The following DPF1 variants were observed in gnomAD, a reference collection of about 807,000 sequenced individuals.
DPF1 encodes the protein double PHD fingers 1.
Under a neutral mutation model 58.7 loss-of-function variants are expected in DPF1, and 14 were observed. The ratio of observed to expected loss-of-function variants is 0.24; its 90% CI spans 0.16 to 0.37. The LOEUF (loss-of-function observed/expected upper bound fraction) is 0.37, where lower values mean the gene tolerates loss of function less well. Ranked by LOEUF, DPF1 falls within the 10% of genes least tolerant of loss-of-function variation. DPF1 has a pLI of 1.00. For synonymous variants in DPF1, 216 were observed against 216.0 expected (o/e 1.00, Z 0.00); for missense variants, 345 against 529.9 (o/e 0.65, Z 3.43).
chr19:38,222,854 C>G lies in DPF1; in HGVS notation c.30-146G>C. ...CCTCACCTCTCCCCTCCTCCCACTC[C>G]GGGACCCAGGCTGGGGGAAGGGGAC... On this transcript the variant is annotated intron_variant, in intron 1 of 11. Transcript: ENST00000355526. This position sits in a 1 kb window ranked among gnomAD's most constrained non-coding sequence, Gnocchi z 4.9. 1 of 1,206,912 alleles carries G rather than the reference C, an allele frequency of 8.3e-7. No individual in the cohort carries two copies. Among genetic ancestry groups the G allele is most frequent in the Non-Finnish European group, 1.1e-6 (1 of 913,876 alleles). The allele number at this position is 1,206,912 out of a possible 1,614,324, so 74.8% of individuals were successfully genotyped here. A position where few individuals can be genotyped will look rare whatever the true frequency, so the allele number is the denominator to read the frequency against.
rs977696417 is a variant in DPF1 at position 38,222,946 on chromosome 19, GAAAC to G, written c.30-242_30-239del. ...AGCTCATGAGTAGAAACACGATACA[GAAAC>G]AAACAAAAACACACCGGGACGTATC... On this transcript the variant is annotated intron_variant, in intron 1 of 11. Coordinates refer to ENST00000355526, the MANE Select transcript of DPF1 (RefSeq NM_001135155.3). The surrounding 1 kb of genome is among the most constrained non-coding windows in gnomAD (Gnocchi z 4.9). 1 of 524,662 alleles carries G rather than the reference GAAAC, an allele frequency of 1.9e-6. No homozygotes were observed. Among genetic ancestry groups the G allele is most frequent in the Non-Finnish European group, 3.3e-6 (1 of 305,158 alleles). 32.5% of individuals were successfully genotyped at this position (524,662 alleles called of 1,614,324 possible). A position where few individuals can be genotyped will look rare whatever the true frequency, so the allele number is the denominator to read the frequency against.
At chr19:38,221,123 C>T (rs1017553514) in intron 3 of DPF1, among the ~76,000 whole-genome samples, 5 of 152,162 alleles carry the variant, frequency 3.3e-5, no homozygotes, top group African/African-American at 1.2e-4. Flanking sequence ...CCTTCTAAGA[C>T]ACTTGGAGAC....
Position 38,222,689 on chromosome 19 carries a change from G to A in DPF1, c.49C>T (p.Arg17Cys). The change falls in exon 2 of 12, where the codon CGC becomes TGC. Residue 17 changes from arginine to cysteine, a missense_variant. By Grantham distance (180) the Arg-to-Cys change is radical. Transcript: ENST00000355526. This position sits in a 1 kb window ranked among gnomAD's most constrained non-coding sequence, Gnocchi z 4.9. ...CTGCGGCAGTGCTCGATGGCCTCGC[G>A]GTAGAAGTCCTCGCCTAGGCTAGAG... ...GPLSLGEDFY[R>C]EAIEHCRSYN... 1 of 1,601,998 alleles carries A rather than the reference G, an allele frequency of 6.2e-7. No homozygotes were observed. The highest frequency in any genetic ancestry group is 8.5e-7 in the Non-Finnish European group (1 of 1,175,232).
At chr19:38,213,827 G>T in intron 9 of DPF1, 71 bp from the exon 10 acceptor site, 1 of 1,336,748 alleles carries the variant, frequency 7.5e-7, no homozygotes, top group Non-Finnish European at 1.1e-6. Context: ...CGGCAGGGGA[G>T]CCATAGCTCA....
intron 9 of DPF1, among the ~76,000 whole-genome samples, chr19:38,214,737 G>A (rs1966885925): frequency 6.6e-6 from 1 of 151,770 alleles, no homozygotes; most frequent in African/African-American, 2.4e-5. Flanking sequence ...CCATCACAGT[G>A]CACTCTGCAG....
intron 3 of DPF1, among the ~76,000 whole-genome samples, chr19:38,220,490 A>G (rs951557108): frequency 2.6e-5 from 4 of 151,584 alleles, no homozygotes; most frequent in Admixed American, 1.3e-4. Context: ...GCGTAGTGGC[A>G]GGCGCCTGTA....
At chr19:38,220,282 GA>G (rs1257322927) in intron 3 of DPF1, among the ~76,000 whole-genome samples, 1 of 149,546 alleles carries the variant, frequency 6.7e-6, no homozygotes, top group African/African-American at 2.5e-5. Context: ...GGAAAGAAAA[GA>G]AAAAGAGAGA....
rs977084262 is a variant in DPF1 at position 38,217,344 on chromosome 19, G to A, written c.727+116C>T. 16 of 1,376,842 alleles carry A rather than the reference G, an allele frequency of 1.2e-5. No homozygotes were observed. In the Admixed American group the frequency reaches 1.9e-4, roughly 16 times the overall value. The allele number at this position is 1,376,842 out of a possible 1,614,324, so 85.3% of individuals were successfully genotyped here. ...CCCATGGTCGGTGGGGGGAGGGAAC[G>A]GCTGAGCTGGAGATTTTCCAGAAAT... is the stretch of plus-strand genomic sequence containing the variant. On this transcript the variant is annotated intron_variant, in intron 7 of 11. Transcript: ENST00000355526.
chr19:38,212,903 G>A (rs1456106535), intron 10 of DPF1, among the ~76,000 whole-genome samples: 1 of 148,406 alleles, frequency 6.7e-6, no homozygotes. Flanking sequence ...GTGGGCCACC[G>A]CTCCCGGTCT....
rs142392815 is a variant in DPF1 at position 38,222,100 on chromosome 19, A to AAAAT, written c.298+253_298+256dup. ...CCAGCCTGGGTGAAACTCTGTCTCA[A>AAAAT]AAATAAATAAATAAATAAATAAATA... On this transcript the variant is annotated intron_variant, in intron 3 of 11. Transcript: ENST00000355526. This position sits in a 1 kb window ranked among gnomAD's most constrained non-coding sequence, Gnocchi z 4.9. Among the ~76,000 whole-genome samples the AAAAT allele has an allele frequency of 0.063, 9,324 of 148,140 alleles. 302 individuals carry two copies. Among genetic ancestry groups the AAAAT allele is most frequent in the Middle Eastern group, 0.11 (31 of 292 alleles).
At chr19:38,218,293 T>C (rs1250694995) in intron 5 of DPF1, among the ~76,000 whole-genome samples, 1 of 152,252 alleles carries the variant, frequency 6.6e-6, no homozygotes, top group Non-Finnish European at 1.5e-5. Context: ...TGTGGGGCCT[T>C]GAACCTCTCC....
chr19:38,217,212 C>A (rs868712036), intron 7 of DPF1, among the ~76,000 whole-genome samples: 1 of 152,086 alleles, frequency 6.6e-6, no homozygotes. Flanking sequence ...TATCACCCCC[C>A]CTCCCCAAGC....
chr19:38,214,778 C>T (rs149188499), intron 9 of DPF1, among the ~76,000 whole-genome samples: 198 of 152,158 alleles, frequency 1.3e-3, no homozygotes, highest in African/African-American at 4.1e-3. Flanking sequence ...GCGATCCTCC[C>T]ACCTCAGCCT....
chr19:38,223,540 A>G (rs956136414), intron 1 of DPF1, among the ~76,000 whole-genome samples: 2 of 152,146 alleles, frequency 1.3e-5, no homozygotes, highest in East Asian at 3.8e-4. Flanking sequence ...ACCCATAGTC[A>G]CACAAAAATT....
chr19:38,221,697 C>T (rs562332061), intron 3 of DPF1, among the ~76,000 whole-genome samples: 52 of 152,276 alleles, frequency 3.4e-4, no homozygotes, highest in African/African-American at 1.2e-3. Flanking sequence ...CGCCTATAAT[C>T]CCTGCACTTT....
Position 38,217,609 on chromosome 19 carries a change from C to T in DPF1, c.596-18G>A. On this transcript the variant is annotated intron_variant, in intron 6 of 11. Transcript: ENST00000355526. ...CCCACAGACTGGGGAGCGAGCGAGC[C>T]AGGAGGGCCTGTCAGCCCCTCCGGG... is the stretch of plus-strand genomic sequence containing the variant. The T allele has an allele frequency of 6.5e-7, 1 of 1,540,282 alleles. No individual in the cohort carries two copies. The highest frequency in any genetic ancestry group is 2.5e-5 in the East Asian group (1 of 40,720).
upstream of DPF1, among the ~76,000 whole-genome samples, chr19:38,225,889 C>CA (rs35172798): frequency 0.087 from 11,221 of 128,430 alleles, 563 homozygotes; most frequent in Non-Finnish European, 0.11. Flanking sequence ...ACCCTGTCTC[C>CA]AAAAAAAAAA....
At position 38,211,995 on chromosome 19, in the gene DPF1, G is replaced by C. The variant is rs919490610; in HGVS notation, c.*68C>G. On this transcript the variant is annotated 3_prime_UTR_variant, in exon 12 of 12. Transcript: ENST00000355526. The surrounding 1 kb of genome is among the most constrained non-coding windows in gnomAD (Gnocchi z 4.0). ...CCCCTGCGGGATGTTCAGGGTGGGGGAGAATTGAGGAGCTCGGAGAGGCAG... is the reference window on the plus strand; with the variant it reads ...CCCCTGCGGGATGTTCAGGGTGGGGCAGAATTGAGGAGCTCGGAGAGGCAG... The C allele has an allele frequency of 3.2e-6, 5 of 1,545,276 alleles. No homozygotes were observed. Among genetic ancestry groups the C allele is most frequent in the Non-Finnish European group, 4.4e-6 (5 of 1,133,268 alleles).
At position 38,218,964 on chromosome 19, in the gene DPF1, C is replaced by A. The variant is rs370726056; in HGVS notation, c.393G>T (p.Glu131Asp). 1.0e-4 allele frequency: 162 copies of A among 1,614,110 alleles called. No homozygotes were observed. The highest frequency in any genetic ancestry group is 1.3e-4 in the Non-Finnish European group (148 of 1,180,038). The change falls in exon 4 of 12, where the codon GAG (glutamate) becomes GAT (aspartate). Residue 131 changes from glutamate (E) to aspartate (D), a missense_variant. By Grantham distance (45) the Glu-to-Asp change is conservative. Transcript: ENST00000355526. ...CCATAATGGTCTCCTCCTCCTTCAG[C>A]TCAATCTTCTTCTCCCCCGTCTCTG... is the stretch of plus-strand genomic sequence containing the variant. ...LCAETGEKKI[E>D]LKEEETIMDC...
Sources: allele counts gnomAD v4.1 joint callset (sites outside exome capture counted in the v4.1 genomes callset), GRCh38; gene constraint gnomAD v4.1.1; non-coding constraint Gnocchi (gnomAD v3.1); transcripts MANE v1.5; gene names NCBI Gene and HGNC (gene_info 2026-07-23, HGNC 2026-07-21).